The following FHAD1 variants were observed in gnomAD, a reference collection of about 807,000 sequenced individuals.
FHAD1 encodes forkhead-associated domain-containing protein 1.
Under a neutral mutation model 191.3 loss-of-function variants are expected in FHAD1, and 146 were observed. The observed-to-expected ratio is 0.76, with a 90% CI of 0.67 to 0.88. FHAD1 has a LOEUF of 0.88. Among genes scored for constraint, FHAD1 ranks in the 40% least tolerant of loss-of-function variants. The pLI is 0.00. For missense variants in FHAD1, 1,635 were observed against 1,785.8 expected (o/e 0.92, Z 1.52); for synonymous variants, 616 against 672.3 (o/e 0.92, Z 1.29).
intron 31 of FHAD1, among the ~76,000 whole-genome samples, chr1:15,386,920 TGGCACAATCTC>T (rs1334528560): frequency 6.6e-6 from 1 of 151,668 alleles, no homozygotes; most frequent in African/African-American, 2.4e-5. Flanking sequence ...TGGAGTGCCG[TGGCACAATCTC>T]GGCTCACTGC....
chr1:15,244,820 A>G (rs142557009), upstream of FHAD1, among the ~76,000 whole-genome samples: 190 of 152,342 alleles, frequency 1.2e-3, no homozygotes, highest in African/African-American at 4.5e-3. The surrounding 1 kb of genome is among the most constrained non-coding windows in gnomAD (Gnocchi z 5.1). Flanking sequence ...AGTTGATGAT[A>G]AGTGATGTAT....
intron 2 of FHAD1, among the ~76,000 whole-genome samples, chr1:15,256,142 G>T (rs1220241154): frequency 6.6e-6 from 1 of 152,212 alleles, no homozygotes; most frequent in East Asian, 1.9e-4. Context: ...TTTATAGTTG[G>T]ATGTGGCTGT....
At chr1:15,251,539 A>T (rs1573635920) in intron 1 of FHAD1, among the ~76,000 whole-genome samples, 1 of 78,448 alleles carries the variant, frequency 1.3e-5, no homozygotes, top group South Asian at 4.3e-4. Flanking sequence ...CCTCTGTTTG[A>T]TTATTAGAAC....
intron 8 of FHAD1, among the ~76,000 whole-genome samples, chr1:15,313,941 T>C (rs942394167): frequency 6.6e-6 from 1 of 151,708 alleles, no homozygotes; most frequent in African/African-American, 2.4e-5. Flanking sequence ...GCGCCTGTAA[T>C]CCCAGCTACT....
chr1:15,305,275 T>C (rs6660378), intron 6 of FHAD1, among the ~76,000 whole-genome samples: 3,086 of 152,222 alleles, frequency 0.02, 100 homozygotes, highest in African/African-American at 0.071. Context: ...TCACCACACT[T>C]ACAGAATAAA....
At chr1:15,396,734 C>T (rs1027232632) in intron 33 of FHAD1, among the ~76,000 whole-genome samples, 16 of 151,458 alleles carry the variant, frequency 1.1e-4, no homozygotes, top group Non-Finnish European at 2.2e-4. Flanking sequence ...CACTTGAATC[C>T]GTGAGGTCGA....
intron 1 of FHAD1, among the ~76,000 whole-genome samples, chr1:15,247,649 G>A (rs1340810272): frequency 6.6e-6 from 1 of 152,150 alleles, no homozygotes; most frequent in African/African-American, 2.4e-5. Flanking sequence ...GCCACTCTGG[G>A]AAGTCCTGGG....
chr1:15,251,737 T>C, intron 1 of FHAD1, 34 bp from the exon 2 acceptor site: 1 of 1,484,986 alleles, frequency 6.7e-7, no homozygotes, highest in East Asian at 2.5e-5. Context: ...GAACTACATT[T>C]TCTAACAAAA....
In FHAD1 at chr1:15,329,577, C is replaced by A; in HGVS notation, c.1906+36C>A. On this transcript the variant is annotated intron_variant, in intron 14 of 33. Coordinates refer to ENST00000688493, the MANE Select transcript of FHAD1 (RefSeq NM_001391957.1). This position sits in a 1 kb window ranked among gnomAD's most constrained non-coding sequence, Gnocchi z 5.0. ...CTTTTTTTCTCACATGGTTGCATGA[C>A]TCTAAAATGTCGCGTTGAATCTCAG... The A allele has an allele frequency of 6.5e-7, 1 of 1,531,022 alleles. No individual in the cohort carries two copies. Among genetic ancestry groups the A allele is most frequent in the Non-Finnish European group, 8.9e-7 (1 of 1,129,462 alleles). 94.8% of individuals were successfully genotyped at this position (1,531,022 alleles called of 1,614,324 possible).
rs1358503617 is a variant in FHAD1 at position 15,329,444 on chromosome 1, G to A, written c.1809G>A (p.Lys603=). 2.6e-6 allele frequency: 4 copies of A among 1,551,202 alleles called. No individual in the cohort carries two copies. The highest frequency in any genetic ancestry group is 3.5e-6 in the Non-Finnish European group (4 of 1,146,988). The stretch of plus-strand genomic sequence containing the variant: ...GCCCACCTGTCTCGGGGCTCCAGAA[G>A]GTGGTGCTGGACGTCCTGAGGCACG... ...QVSPPVSGLQ[K]VVLDVLRHAL... Residue 603 remains lysine, a synonymous_variant, in exon 14 of 34, where the codon AAG becomes AAA. Transcript: ENST00000688493. The surrounding 1 kb of genome is among the most constrained non-coding windows in gnomAD (Gnocchi z 5.0).
Position 15,329,427 on chromosome 1 carries a change from G to C in FHAD1, c.1792G>C (p.Val598Leu), listed in dbSNP as rs957530244. The change falls in exon 14 of 34, where the codon GTC becomes CTC. Residue 598 changes from valine (V) to leucine (L), a missense_variant. By Grantham distance (32) the Val-to-Leu change is conservative. Coordinates refer to ENST00000688493, the MANE Select transcript of FHAD1 (RefSeq NM_001391957.1). The surrounding 1 kb of genome is among the most constrained non-coding windows in gnomAD (Gnocchi z 5.0). ...LLQHLQVSPPVSGLQKVVLDV... is the reference protein window; with the variant it reads ...LLQHLQVSPPLSGLQKVVLDV... Reference sequence around the variant, plus strand: ...TCAGCACCTCCAGGTGAGCCCACCTGTCTCGGGGCTCCAGAAGGTGGTGCT... The same window carrying C: ...TCAGCACCTCCAGGTGAGCCCACCTCTCTCGGGGCTCCAGAAGGTGGTGCT... 2 of 1,551,322 alleles carry C rather than the reference G, an allele frequency of 1.3e-6. No individual in the cohort carries two copies. The highest frequency in any genetic ancestry group is 2.4e-5 in the South Asian group (2 of 84,060).
At chr1:15,261,491 A>G (rs1471047046) in intron 2 of FHAD1, among the ~76,000 whole-genome samples, 1 of 152,138 alleles carries the variant, frequency 6.6e-6, no homozygotes, top group East Asian at 1.9e-4. Flanking sequence ...GAACTGTCAC[A>G]GACTCCATTA....
intron 29 of FHAD1, 66 bp downstream of exon 29, chr1:15,380,862 C>A: frequency 4.3e-6 from 5 of 1,167,852 alleles, no homozygotes; most frequent in Non-Finnish European, 6.2e-6. Context: ...CAGTGTTGAA[C>A]GCAGGATAGT....
rs564985288 is a variant in FHAD1, at chr1:15,296,703, A to G, written c.588A>G (p.Lys196=). 92 of 1,552,184 alleles carry G rather than the reference A, an allele frequency of 5.9e-5. No homozygotes were observed. The South Asian group carries it at 1.0e-3, about 17-fold the overall frequency. ...VIKQVWTNAM[K]LSEKSVAEGI... is the part of the protein sequence containing the mutation. ...CCTTAGTGTGGACCAATGCCATGAA[A>G]CTGTCAGAAAAATCAGTGGCCGAGG... The change falls in exon 5 of 34, where the codon AAA becomes AAG. Residue 196 remains lysine (K), a synonymous_variant. Coordinates refer to ENST00000688493, the MANE Select transcript of FHAD1 (RefSeq NM_001391957.1).
At chr1:15,246,544 G>A (rs1459733366), upstream of FHAD1, among the ~76,000 whole-genome samples, 3 of 147,012 alleles carry the variant, frequency 2.0e-5, no homozygotes, top group Admixed American at 6.8e-5. Flanking sequence ...GTCCTGTGCC[G>A]GCTGACAAGC....
rs529517415 is a variant in FHAD1, at chr1:15,283,247, A to G, written c.301-6152A>G. Among the ~76,000 whole-genome samples, 30 of 152,318 alleles carry G rather than the reference A, an allele frequency of 2.0e-4. No individual in the cohort carries two copies. In the South Asian group the frequency reaches 6.2e-3, roughly 32 times the overall value. On this transcript the variant is annotated intron_variant, in intron 3 of 33. Transcript: ENST00000688493. Reference sequence around the variant, plus strand: ...GGCACACTGGTGGGCGTGTCTTATGAAAAGCTGCTTCCACTGCGGCCCTGT... The same window carrying G: ...GGCACACTGGTGGGCGTGTCTTATGGAAAGCTGCTTCCACTGCGGCCCTGT...
Position 15,388,069 on chromosome 1 carries a change from G to A in FHAD1, c.4207G>A (p.Glu1403Lys), listed in dbSNP as rs1182103393. 6 of 1,289,738 alleles carry A rather than the reference G, an allele frequency of 4.7e-6. No individual in the cohort carries two copies. Among genetic ancestry groups the A allele is most frequent in the Admixed American group, 2.3e-5 (1 of 43,536 alleles). The allele number at this position is 1,289,738 out of a possible 1,614,324, so 79.9% of individuals were successfully genotyped here. A position where few individuals can be genotyped will look rare whatever the true frequency, so the allele number is the denominator to read the frequency against. ...RQQKESVEEH[E>K]LRNAKESTPC... The stretch of plus-strand genomic sequence containing the variant: ...CACTCAGGAAAGTGTAGAGGAGCAC[G>A]AACTGAGAAACGCAAAAGAATCGAC... Residue 1403 changes from glutamate (E) to lysine (K), a missense_variant, in exon 32 of 34, where the codon GAA (glutamate) becomes AAA (lysine). Physicochemically the swap from Glu to Lys is moderately conservative, Grantham distance 56 (BLOSUM62 1). Transcript: ENST00000688493.
intron 31 of FHAD1, chr1:15,383,774 G>A (rs1701458343): frequency 2.8e-6 from 1 of 361,558 alleles, no homozygotes; most frequent in Non-Finnish European, 5.7e-6. Flanking sequence ...GCCTCTAATA[G>A]CCCTGCCTGG....
At chr1:15,353,647 G>T (rs1030597979) in intron 20 of FHAD1, among the ~76,000 whole-genome samples, 1 of 145,114 alleles carries the variant, frequency 6.9e-6, no homozygotes, top group African/African-American at 2.6e-5. Flanking sequence ...GGAGGTTGCA[G>T]GGAGCCGAGA....
Sources: allele counts gnomAD v4.1 joint callset (sites outside exome capture counted in the v4.1 genomes callset), GRCh38; gene constraint gnomAD v4.1.1; non-coding constraint Gnocchi (gnomAD v3.1); transcripts MANE v1.5; gene names NCBI Gene and HGNC (gene_info 2026-07-23, HGNC 2026-07-21).